GRIK2: variants seen among roughly 807,000 people sequenced by gnomAD.
GRIK2 encodes the protein glutamate receptor ionotropic, kainate 2.
In GRIK2, 32 loss-of-function variants were observed where a neutral mutation model predicts 100.3. That is an observed-to-expected ratio of 0.32 (90% confidence interval 0.24 to 0.43). GRIK2 has a LOEUF of 0.43. GRIK2 is among the 20% of genes least tolerant of loss of function. GRIK2 has a pLI of 1.00. For synonymous variants in GRIK2, 417 were observed against 389.4 expected (o/e 1.07, Z -0.83); for missense variants, 843 against 1,114.9 (o/e 0.76, Z 3.47).
At chr6:101,662,732 A>G (rs6907727) in intron 4 of GRIK2, among the ~76,000 whole-genome samples, 26,427 of 152,056 alleles carry the variant, frequency 0.17, 2,763 homozygotes, top group East Asian at 0.45. Flanking sequence ...GAACACTTCT[A>G]TCGTGCTTTG....
chr6:102,036,232 C>A (rs2782914), intron 15 of GRIK2, among the ~76,000 whole-genome samples: 10,561 of 100,780 alleles, frequency 0.1, 1,279 homozygotes, highest in African/African-American at 0.3. Flanking sequence ...CGTAAGTAAA[C>A]ACACACACAC....
chr6:101,402,235 AACACACACAT>A (rs1379383193), intron 2 of GRIK2, among the ~76,000 whole-genome samples: 2 of 151,974 alleles, frequency 1.3e-5, no homozygotes, highest in Non-Finnish European at 2.9e-5. Context: ...CACACACAAT[AACACACACAT>A]ACACACACAC....
rs760077941 is a variant in GRIK2, at chr6:101,539,977, G to A, written c.116-81972G>A. 2.2e-4 allele frequency among the ~76,000 whole-genome samples: 34 copies of A among 151,912 alleles called. No individual in the cohort carries two copies. In the Middle Eastern group the frequency reaches 0.01, roughly 46 times the overall value. ...TCATATTAAAAATTGGAGAATAAGT[G>A]TGCATCCATTGATATTTGGCCTTTG... On this transcript the variant is annotated intron_variant, in intron 2 of 16. Coordinates refer to ENST00000369134, the MANE Select transcript of GRIK2 (RefSeq NM_021956.5).
intron 14 of GRIK2, among the ~76,000 whole-genome samples, chr6:101,952,279 T>G (rs1056852888): frequency 2.0e-5 from 3 of 152,210 alleles, no homozygotes; most frequent in Admixed American, 1.3e-4. Context: ...TACTGCTGAG[T>G]AACCTTCAAT....
chr6:102,045,428 A>G (rs1368775737), intron 15 of GRIK2, among the ~76,000 whole-genome samples: 2 of 152,106 alleles, frequency 1.3e-5, no homozygotes, highest in Non-Finnish European at 2.9e-5. Flanking sequence ...ATAGAAAAGG[A>G]AAAAGATAGT....
chr6:101,935,122 T>C (rs563398739), intron 14 of GRIK2, among the ~76,000 whole-genome samples: 4 of 151,936 alleles, frequency 2.6e-5, no homozygotes, highest in Non-Finnish European at 4.4e-5. Context: ...TTTGCACATG[T>C]TTACTATTAC....
At chr6:101,650,538 G>C (rs1009507275) in intron 4 of GRIK2, among the ~76,000 whole-genome samples, 1 of 152,132 alleles carries the variant, frequency 6.6e-6, no homozygotes, top group Non-Finnish European at 1.5e-5. Flanking sequence ...AGGTGCATTA[G>C]CAGAAAGTCA....
intron 7 of GRIK2, among the ~76,000 whole-genome samples, chr6:101,777,011 C>T (rs1778787857): frequency 6.6e-6 from 1 of 152,210 alleles, no homozygotes; most frequent in Non-Finnish European, 1.5e-5. Context: ...TCGTCCAACA[C>T]CTGCCTATGC....
At chr6:101,949,563 G>A in intron 14 of GRIK2, among the ~76,000 whole-genome samples, 1 of 152,020 alleles carries the variant, frequency 6.6e-6, no homozygotes, top group East Asian at 1.9e-4. Flanking sequence ...CTGTGTCCAT[G>A]CGTTCTCATT....
chr6:102,010,662 C>T (rs560422213), intron 14 of GRIK2, among the ~76,000 whole-genome samples: 2 of 151,922 alleles, frequency 1.3e-5, no homozygotes, highest in Admixed American at 6.6e-5. Flanking sequence ...GGATTACAGG[C>T]GTGAGACACT....
intron 14 of GRIK2, among the ~76,000 whole-genome samples, chr6:101,972,459 G>T (rs1004469817): frequency 6.6e-6 from 1 of 151,578 alleles, no homozygotes. Flanking sequence ...TTTGTTTATT[G>T]CTTGTTGATT....
chr6:101,532,018 A>G (rs1775467008), intron 2 of GRIK2, among the ~76,000 whole-genome samples: 1 of 151,916 alleles, frequency 6.6e-6, no homozygotes, highest in African/African-American at 2.4e-5. Context: ...ATAAAACCTA[A>G]GTATTGTTTT....
At chr6:101,950,549 C>A (rs952038327) in intron 14 of GRIK2, among the ~76,000 whole-genome samples, 1 of 152,062 alleles carries the variant, frequency 6.6e-6, no homozygotes, top group Non-Finnish European at 1.5e-5. Context: ...ATGAAGCAGC[C>A]CCCTTTTTAG....
At chr6:101,799,277 TTG>T (rs58920833) in intron 7 of GRIK2, among the ~76,000 whole-genome samples, 24,126 of 146,288 alleles carry the variant, frequency 0.16, 2,021 homozygotes, top group Admixed American at 0.23. Context: ...AATGTACTCA[TTG>T]TGTGTGTGTG....
intron 7 of GRIK2, among the ~76,000 whole-genome samples, chr6:101,742,867 C>T (rs1776130398): frequency 6.6e-6 from 1 of 151,912 alleles, no homozygotes; most frequent in African/African-American, 2.4e-5. Flanking sequence ...GCATGCTAGA[C>T]CCCCCACTTC....
chr6:102,047,415 G>T (rs1770949777), intron 15 of GRIK2, among the ~76,000 whole-genome samples: 1 of 152,084 alleles, frequency 6.6e-6, no homozygotes, highest in Admixed American at 6.6e-5. Context: ...TAAGTAGAAA[G>T]ATATCTATGT....
chr6:101,962,705 A>G (rs778533474), intron 14 of GRIK2, among the ~76,000 whole-genome samples: 4 of 152,116 alleles, frequency 2.6e-5, no homozygotes, highest in Non-Finnish European at 4.4e-5. Flanking sequence ...TTTTGGGGTT[A>G]TGTTGTTTGG....
At chr6:101,974,850 A>C (rs1793270851) in intron 14 of GRIK2, among the ~76,000 whole-genome samples, 1 of 151,930 alleles carries the variant, frequency 6.6e-6, no homozygotes, top group Non-Finnish European at 1.5e-5. Context: ...GGCATATATA[A>C]AACAGTTAAT....
At chr6:101,955,616 C>CT (rs1554292263) in intron 14 of GRIK2, among the ~76,000 whole-genome samples, 3,981 of 135,162 alleles carry the variant, frequency 0.029, 238 homozygotes, top group Middle Eastern at 0.07. Flanking sequence ...CTCTCTCTCT[C>CT]CCCCCCATTT....
Sources: allele counts gnomAD v4.1 joint callset (sites outside exome capture counted in the v4.1 genomes callset), GRCh38; gene constraint gnomAD v4.1.1; transcripts MANE v1.5; gene names NCBI Gene and HGNC (gene_info 2026-07-23, HGNC 2026-07-21).